Variants in MAF observed in about 807,000 individuals in gnomAD.
MAF encodes the protein MAF bZIP transcription factor, also known as transcription factor Maf.
In MAF, 10 loss-of-function variants were observed where a neutral mutation model predicts 22.0. The ratio of observed to expected loss-of-function variants is 0.45; its 90% CI spans 0.28 to 0.77. The LOEUF is 0.77. MAF is among the 30% of genes least tolerant of loss of function. MAF has a pLI of 0.12. For missense variants in MAF, 544 were observed against 548.4 expected, an observed-to-expected ratio of 0.99 and a Z score of 0.08; for synonymous variants, 337 against 255.8, an observed-to-expected ratio of 1.32 and a Z score of -3.03.
At chr16:79,295,005 G>C in the MAF span, among the ~76,000 whole-genome samples, 5 of 150,156 alleles carry the variant, frequency 3.3e-5, no homozygotes, top group South Asian at 8.5e-4. Context: ...CTTCCCCCTA[G>C]AGCAGGTTAC....
At chr16:79,338,599 T>C in the MAF span, among the ~76,000 whole-genome samples, 1 of 151,814 alleles carries the variant, frequency 6.6e-6, no homozygotes, top group South Asian at 2.1e-4. Flanking sequence ...TTTTTAGAAA[T>C]TTTCAAGGTT....
At chr16:79,231,304 T>G in the MAF span, among the ~76,000 whole-genome samples, 2 of 152,092 alleles carry the variant, frequency 1.3e-5, no homozygotes, top group African/African-American at 2.4e-5. Context: ...ATTTTGGTAT[T>G]CTGACCTGGT....
At chr16:79,216,756 ATGTG>A in the MAF span, among the ~76,000 whole-genome samples, 2 of 151,518 alleles carry the variant, frequency 1.3e-5, no homozygotes, top group East Asian at 1.9e-4. Context: ...GTGTACATAT[ATGTG>A]TGTATTTGTA....
chr16:79,524,096 T>C, the MAF span, among the ~76,000 whole-genome samples: 1 of 152,186 alleles, frequency 6.6e-6, no homozygotes, highest in African/African-American at 2.4e-5. Flanking sequence ...GAGGAGCTTT[T>C]GAAGGGACTC....
intron 1 of MAF, chr16:79,598,558 C>T (rs1190529351): frequency 2.1e-6 from 3 of 1,439,910 alleles, no homozygotes; most frequent in Non-Finnish European, 2.7e-6. Context: ...GCCACCACCA[C>T]CACAAACTCG....
chr16:79,453,817 T>C, the MAF span, among the ~76,000 whole-genome samples: 2,160 of 152,298 alleles, frequency 0.014, 50 homozygotes, highest in African/African-American at 0.049. Flanking sequence ...GAGAATAAAA[T>C]AGGTATTCCT....
chr16:79,454,067 T>G, the MAF span, among the ~76,000 whole-genome samples: 1 of 152,226 alleles, frequency 6.6e-6, no homozygotes, highest in East Asian at 1.9e-4. Flanking sequence ...AAGTGTTCCA[T>G]GCATATCTCA....
the MAF span, among the ~76,000 whole-genome samples, chr16:79,511,161 T>C: frequency 6.6e-6 from 1 of 152,120 alleles, no homozygotes. Flanking sequence ...GATGTATGAA[T>C]TGCCTTATTT....
At chr16:79,367,662 A>G in the MAF span, among the ~76,000 whole-genome samples, 7 of 152,166 alleles carry the variant, frequency 4.6e-5, no homozygotes, top group African/African-American at 1.7e-4. Context: ...AGCACTGGAA[A>G]GGTAGTCAGT....
At chr16:79,239,205 C>T in the MAF span, among the ~76,000 whole-genome samples, 1 of 151,990 alleles carries the variant, frequency 6.6e-6, no homozygotes, top group African/African-American at 2.4e-5. Flanking sequence ...CTGTTGCTTC[C>T]CAAATTCTGC....
At chr16:79,553,192 G>T in the MAF span, among the ~76,000 whole-genome samples, 2 of 152,216 alleles carry the variant, frequency 1.3e-5, no homozygotes, top group Non-Finnish European at 2.9e-5. Flanking sequence ...CTCTGCCTCG[G>T]CAACAGCTCT....
At chr16:79,514,929 G>A in the MAF span, among the ~76,000 whole-genome samples, 2 of 152,272 alleles carry the variant, frequency 1.3e-5, no homozygotes, top group African/African-American at 4.8e-5. Flanking sequence ...TAGGACCCTA[G>A]GACTCTCTCT....
At chr16:79,431,127 G>C in the MAF span, among the ~76,000 whole-genome samples, 2 of 152,142 alleles carry the variant, frequency 1.3e-5, no homozygotes, top group East Asian at 3.9e-4. Flanking sequence ...TACACAGCTT[G>C]GGGATTCATG....
At chr16:79,388,295 T>C in the MAF span, among the ~76,000 whole-genome samples, 2 of 152,152 alleles carry the variant, frequency 1.3e-5, no homozygotes, top group Admixed American at 6.5e-5. Flanking sequence ...AAGTTCATAT[T>C]TCTGGGCTGT....
the MAF span, among the ~76,000 whole-genome samples, chr16:79,411,529 G>T: frequency 6.6e-6 from 1 of 152,158 alleles, no homozygotes; most frequent in Non-Finnish European, 1.5e-5. Context: ...AGCCCTGCAG[G>T]GGTCTGTTTG....
chr16:79,545,614 C>A, the MAF span, among the ~76,000 whole-genome samples: 4 of 152,072 alleles, frequency 2.6e-5, no homozygotes, highest in Admixed American at 6.5e-5. Context: ...CCCCACCCCC[C>A]CACAGAGGCA....
At chr16:79,472,045 T>A in the MAF span, among the ~76,000 whole-genome samples, 1 of 152,138 alleles carries the variant, frequency 6.6e-6, no homozygotes. Flanking sequence ...GGCCTTGGCT[T>A]CAGCCTGACC....
chr16:79,579,738 AC>A, the MAF span, among the ~76,000 whole-genome samples: 1 of 152,200 alleles, frequency 6.6e-6, no homozygotes, highest in African/African-American at 2.4e-5. Flanking sequence ...CAATGAAATC[AC>A]ACACTAGGAT....
chr16:79,555,187 T>A, the MAF span, among the ~76,000 whole-genome samples: 95,540 of 151,996 alleles, frequency 0.63, 30,528 homozygotes, highest in Non-Finnish European at 0.69. Context: ...TTGTATTTGC[T>A]TCCATCCTCC....
Sources: allele counts gnomAD v4.1 joint callset (sites outside exome capture counted in the v4.1 genomes callset), GRCh38; gene constraint gnomAD v4.1.1; transcripts MANE v1.5; gene names NCBI Gene and HGNC (gene_info 2026-07-23, HGNC 2026-07-21).